MCU: variants seen among roughly 807,000 people sequenced by gnomAD.
MCU encodes calcium uniporter protein, mitochondrial.
A neutral mutation model predicts 45.2 loss-of-function variants in MCU; 12 were observed. The ratio of observed to expected loss-of-function variants is 0.27; its 90% CI spans 0.17 to 0.43. The LOEUF is 0.43. Ranked by LOEUF, MCU falls within the 20% of genes least tolerant of loss-of-function variation. The pLI, the probability that MCU is intolerant of heterozygous loss-of-function variation, is 1.00. For synonymous variants in MCU, 160 were observed against 165.1 expected (o/e 0.97, Z 0.24); for missense variants, 324 against 436.7 (o/e 0.74, Z 2.30).
intron 5 of MCU, among the ~76,000 whole-genome samples, chr10:72,870,849 C>G (rs1845531640): frequency 6.6e-6 from 1 of 152,180 alleles, no homozygotes; most frequent in Non-Finnish European, 1.5e-5. Flanking sequence ...GCCCATATTT[C>G]CACCCACTTC....
At chr10:72,733,235 G>A (rs1423052880) in intron 1 of MCU, among the ~76,000 whole-genome samples, 1 of 152,186 alleles carries the variant, frequency 6.6e-6, no homozygotes, top group East Asian at 1.9e-4. Context: ...GAGGCGGGTG[G>A]ATCACGGGGT....
chr10:72,784,604 C>T (rs1449284883), intron 1 of MCU, among the ~76,000 whole-genome samples: 1 of 152,170 alleles, frequency 6.6e-6, no homozygotes, highest in Non-Finnish European at 1.5e-5. Context: ...TCAGGAAAAG[C>T]CTTCTGTGTA....
intron 2 of MCU, among the ~76,000 whole-genome samples, chr10:72,852,017 A>G (rs1413764729): frequency 6.6e-6 from 1 of 152,116 alleles, no homozygotes; most frequent in Admixed American, 6.5e-5. Context: ...TCCTCCAAAT[A>G]TATTTCAGAC....
At position 72,744,139 on chromosome 10, in the gene MCU, A is replaced by G. The variant is rs59133014; in HGVS notation, c.150+51838A>G. 6.0e-4 allele frequency among the ~76,000 whole-genome samples: 91 copies of G among 151,660 alleles called. 1 individual carries two copies. The highest frequency in any genetic ancestry group is 2.1e-3 in the African/African-American group (87 of 41,366). Reference sequence around the variant, plus strand: ...TCTTAATATAGGAGGTATTTTCTATATAGTTTACAAATTCTTTCTCTATAT... The same window carrying G: ...TCTTAATATAGGAGGTATTTTCTATGTAGTTTACAAATTCTTTCTCTATAT... On this transcript the variant is annotated intron_variant, in intron 1 of 7. Transcript: ENST00000373053.
chr10:72,769,258 G>A (rs964793756), intron 1 of MCU, among the ~76,000 whole-genome samples: 16 of 152,008 alleles, frequency 1.1e-4, no homozygotes, highest in African/African-American at 3.4e-4. Context: ...GTTGTCAAAG[G>A]GTTTTAGGTA....
At chr10:72,787,811 C>G (rs1295887638) in intron 1 of MCU, among the ~76,000 whole-genome samples, 1 of 151,742 alleles carries the variant, frequency 6.6e-6, no homozygotes, top group Admixed American at 6.6e-5. Flanking sequence ...CTCTGCCTCT[C>G]AGGTTCAAGC....
chr10:72,864,501 A>ATT (rs1231911649), intron 4 of MCU, among the ~76,000 whole-genome samples: 2 of 152,262 alleles, frequency 1.3e-5, no homozygotes, highest in Non-Finnish European at 2.9e-5. Context: ...AGATAAATAC[A>ATT]GTACAGCACT....
At chr10:72,731,493 T>A (rs866104572) in intron 1 of MCU, among the ~76,000 whole-genome samples, 1 of 152,158 alleles carries the variant, frequency 6.6e-6, no homozygotes, top group Admixed American at 6.6e-5. Flanking sequence ...TTTTAAAGTA[T>A]ACAATTCAGT....
intron 1 of MCU, among the ~76,000 whole-genome samples, chr10:72,754,020 C>T (rs949235623): frequency 2.0e-5 from 3 of 152,088 alleles, no homozygotes; most frequent in African/African-American, 7.2e-5. Context: ...TTGCAAGTAG[C>T]AATTGTTATA....
intron 1 of MCU, among the ~76,000 whole-genome samples, chr10:72,698,485 G>A (rs970796832): frequency 6.6e-6 from 1 of 152,164 alleles, no homozygotes; most frequent in Admixed American, 6.5e-5. Flanking sequence ...TAATATCTCA[G>A]GATAGCTGTT....
chr10:72,838,808 C>T (rs1589488734), intron 2 of MCU, among the ~76,000 whole-genome samples: 1 of 151,982 alleles, frequency 6.6e-6, no homozygotes, highest in South Asian at 2.1e-4. Flanking sequence ...TTTAGTCAAC[C>T]CAAGTAATAG....
intron 2 of MCU, among the ~76,000 whole-genome samples, chr10:72,836,425 T>C (rs2132837676): frequency 6.6e-6 from 1 of 152,270 alleles, no homozygotes; most frequent in Non-Finnish European, 1.5e-5. Flanking sequence ...TATCCTGTTA[T>C]ATATATCTAT....
intron 2 of MCU, among the ~76,000 whole-genome samples, chr10:72,854,568 A>G: frequency 6.6e-6 from 1 of 152,274 alleles, no homozygotes; most frequent in South Asian, 2.1e-4. Flanking sequence ...TTATTTGAAG[A>G]CTGACTGTGA....
intron 4 of MCU, among the ~76,000 whole-genome samples, chr10:72,866,675 C>T (rs956021032): frequency 3.3e-5 from 5 of 151,906 alleles, no homozygotes; most frequent in East Asian, 3.9e-4. Flanking sequence ...GATTACAGGC[C>T]GCGCCTGGCC....
chr10:72,798,822 T>A (rs2132776723), intron 1 of MCU, among the ~76,000 whole-genome samples: 1 of 152,340 alleles, frequency 6.6e-6, no homozygotes, highest in East Asian at 1.9e-4. Context: ...AAGTATAGAA[T>A]CATACTGTAT....
chr10:72,711,666 G>A (rs997348417), intron 1 of MCU, among the ~76,000 whole-genome samples: 1 of 151,104 alleles, frequency 6.6e-6, no homozygotes, highest in African/African-American at 2.4e-5. Flanking sequence ...GCTATAATTG[G>A]GCCATTGCAC....
intron 1 of MCU, among the ~76,000 whole-genome samples, chr10:72,714,860 T>C (rs1048568369): frequency 6.6e-6 from 1 of 152,210 alleles, no homozygotes; most frequent in African/African-American, 2.4e-5. Context: ...TATTTAATAC[T>C]TTGTTTCTGG....
intron 1 of MCU, among the ~76,000 whole-genome samples, chr10:72,712,909 A>G (rs1842912619): frequency 6.6e-6 from 1 of 152,198 alleles, no homozygotes; most frequent in Admixed American, 6.6e-5. Flanking sequence ...CCTCCAAATG[A>G]TTTGCTGTAG....
intron 1 of MCU, among the ~76,000 whole-genome samples, chr10:72,809,588 T>TA (rs1258997206): frequency 3.9e-5 from 6 of 152,122 alleles, no homozygotes; most frequent in Non-Finnish European, 1.5e-5. Context: ...TTCAGGGACT[T>TA]AGAGGTATAT....
Sources: gnomAD v4.1 joint callset for allele counts (sites outside exome capture counted in the v4.1 genomes callset) on GRCh38, gnomAD v4.1.1 for gene constraint, MANE v1.5 for transcripts, NCBI Gene and HGNC (gene_info 2026-07-23, HGNC 2026-07-21) for gene names.